SPEG: variants seen among roughly 807,000 people sequenced by gnomAD.
The protein encoded by SPEG is striated muscle preferentially expressed protein kinase.
Under a neutral mutation model 300.4 loss-of-function variants are expected in SPEG, and 114 were observed. The observed-to-expected ratio is 0.38, with a 90% CI of 0.33 to 0.44. The LOEUF (loss-of-function observed/expected upper bound fraction) is 0.44, where lower values mean the gene tolerates loss of function less well. Among genes scored for constraint, SPEG ranks in the 20% least tolerant of loss-of-function variants. SPEG has a pLI of 1.00. For synonymous variants in SPEG, 1,964 were observed against 2,018.9 expected, an observed-to-expected ratio of 0.97 and a Z score of 0.73; for missense variants, 4,201 against 4,586.2, an observed-to-expected ratio of 0.92 and a Z score of 2.43.
In SPEG at chr2:219,443,654, G is replaced by A. The variant is rs545031765; in HGVS notation, c.389-999G>A. 2.2e-4 allele frequency: 68 copies of A among 306,618 alleles called. No homozygotes were observed. Among genetic ancestry groups the A allele is most frequent in the African/African-American group, 1.4e-3 (65 of 46,178 alleles). The allele number at this position is 306,618 out of a possible 1,614,324, so 19.0% of individuals were successfully genotyped here. ...AGATAAGGGGTTGGTTTGCAAAGAG[G>A]GGTCAAAGCACAATGCAAATATTGT... is the stretch of plus-strand genomic sequence containing the variant. On this transcript the variant is annotated intron_variant, in intron 1 of 40. Transcript: ENST00000312358. This position sits in a 1 kb window ranked among gnomAD's most constrained non-coding sequence, Gnocchi z 4.6.
At chr2:219,474,545 C>T (rs894047872) in intron 18 of SPEG, among the ~76,000 whole-genome samples, 1 of 152,182 alleles carries the variant, frequency 6.6e-6, no homozygotes, top group African/African-American at 2.4e-5. Flanking sequence ...CTAAGAGTAA[C>T]TGGCCCAAGT....
chr2:219,464,336 C>CAGGG lies in SPEG; in HGVS notation c.2706-95_2706-92dup, dbSNP rs1691046845. ...AGATCTGGGGACTGGGCAAACTGCACAGGGAAGGAGAGGCCTGCACAGTGC... is the reference window on the plus strand; with the variant it reads ...AGATCTGGGGACTGGGCAAACTGCACAGGGAGGGAAGGAGAGGCCTGCACAGTGC... On this transcript the variant is annotated intron_variant, in intron 8 of 40. Coordinates refer to ENST00000312358, the MANE Select transcript of SPEG (RefSeq NM_005876.5). This position sits in a 1 kb window ranked among gnomAD's most constrained non-coding sequence, Gnocchi z 4.5. The CAGGG allele has an allele frequency of 7.6e-7, 1 of 1,319,036 alleles. No individual in the cohort carries two copies. Among genetic ancestry groups the CAGGG allele is most frequent in the Non-Finnish European group, 1.0e-6 (1 of 966,108 alleles). 81.7% of individuals were successfully genotyped at this position (1,319,036 alleles called of 1,614,324 possible).
rs547159100 is a variant in SPEG, at chr2:219,452,444, C to T, written c.2440+637C>T. On this transcript the variant is annotated intron_variant, in intron 6 of 40. Transcript: ENST00000312358. ...CTTTCTGGTTCAGCTGGATCAGTGT[C>T]GGTGTACATGGCCAGTTCAGCTCAT... Among the ~76,000 whole-genome samples, 4 of 152,264 alleles carry T rather than the reference C, an allele frequency of 2.6e-5. No individual in the cohort carries two copies. In the South Asian group the frequency reaches 8.3e-4, roughly 32 times the overall value.
Position 219,458,638 on chromosome 2 carries a change from C to T in SPEG, c.2441-3244C>T, listed in dbSNP as rs1690385923. 6.6e-6 allele frequency among the ~76,000 whole-genome samples: 1 copy of T among 152,160 alleles called. No homozygotes were observed. The highest frequency in any genetic ancestry group is 1.5e-5 in the Non-Finnish European group (1 of 68,028). On this transcript the variant is annotated intron_variant, in intron 6 of 40. Coordinates refer to ENST00000312358, the MANE Select transcript of SPEG (RefSeq NM_005876.5). This position sits in a 1 kb window ranked among gnomAD's most constrained non-coding sequence, Gnocchi z 4.2. ...AAGCACATGGGCTGTGTAGCCAAAC[C>T]TCCTAGGTTCAAAGCTCTGCTCTGA...
At position 219,484,049 on chromosome 2, in the gene SPEG, G is replaced by T; in HGVS notation, c.6586G>T (p.Ala2196Ser). Residue 2196 changes from alanine to serine, a missense_variant, in exon 30 of 41, where the codon GCC (alanine) becomes TCC (serine). Coordinates refer to ENST00000312358, the MANE Select transcript of SPEG (RefSeq NM_005876.5). ...PSTPKSAEPS[A>S]TTPSDAPQPP... ...TACCCCTAAGTCTGCAGAACCTTCT[G>T]CCACCACACCTAGTGATGCTCCGCA... 1 of 1,613,514 alleles carries T rather than the reference G, an allele frequency of 6.2e-7. No individual in the cohort carries two copies.
intron 6 of SPEG, among the ~76,000 whole-genome samples, chr2:219,454,525 A>G (rs1298347712): frequency 6.6e-6 from 1 of 152,248 alleles, no homozygotes; most frequent in African/African-American, 2.4e-5. Flanking sequence ...GGACAGTGTC[A>G]TAGACTTTCC....
Position 219,443,123 on chromosome 2 carries a change from C to A in SPEG, c.389-1530C>A, listed in dbSNP as rs769530500. On this transcript the variant is annotated intron_variant, in intron 1 of 40. Transcript: ENST00000312358. This position sits in a 1 kb window ranked among gnomAD's most constrained non-coding sequence, Gnocchi z 4.6. Reference sequence around the variant, plus strand: ...TCTCTTTCAGAAAACCGGCCATTCCCGCCGGGCCTTTGGCCGACTCACCCA... The same window carrying A: ...TCTCTTTCAGAAAACCGGCCATTCCAGCCGGGCCTTTGGCCGACTCACCCA... 8.7e-6 allele frequency: 14 copies of A among 1,612,686 alleles called. No individual in the cohort carries two copies. Among genetic ancestry groups the A allele is most frequent in the Non-Finnish European group, 1.2e-5 (14 of 1,179,786 alleles).
Position 219,472,875 on chromosome 2 carries a change from C to T in SPEG, c.3941-15C>T. 1 of 1,560,572 alleles carries T rather than the reference C, an allele frequency of 6.4e-7. No individual in the cohort carries two copies. Among genetic ancestry groups the T allele is most frequent in the Non-Finnish European group, 8.7e-7 (1 of 1,150,170 alleles). On this transcript the variant is annotated splice_polypyrimidine_tract_variant and intron_variant, in intron 15 of 40. Transcript: ENST00000312358. ...CTCCTGCAACAGCAGCCTCTAGTAG[C>T]TCCTCTCCCGCCAGACCCGGACTCC...
Position 219,448,525 on chromosome 2 carries a change from A to C in SPEG, c.1367A>C (p.Glu456Ala). The C allele has an allele frequency of 1.4e-6, 2 of 1,446,112 alleles. No individual in the cohort carries two copies. The highest frequency in any genetic ancestry group is 1.8e-6 in the Non-Finnish European group (2 of 1,109,190). 89.6% of individuals were successfully genotyped at this position (1,446,112 alleles called of 1,614,324 possible). The change falls in exon 4 of 41, where the codon GAA becomes GCA. Residue 456 changes from glutamate to alanine, a missense_variant. Physicochemically the swap from Glu to Ala is moderately radical, Grantham distance 107 (BLOSUM62 -1). Around this residue, in one of 4 missense-constraint regions of SPEG, gnomAD observed 1,258 missense variants for 1,293.9 expected, o/e 0.97. Transcript: ENST00000312358. ...PWGTPGASQE[E>A]LRAPGSVAER... The stretch of plus-strand genomic sequence containing the variant: ...GGCACCCCCGGGGCCTCGCAGGAAG[A>C]ACTGCGGGCGCCAGGCAGCGTGGCC...
Position 219,443,276 on chromosome 2 carries a change from A to G in SPEG, c.389-1377A>G. The G allele has an allele frequency of 1.0e-6, 1 of 962,086 alleles. No individual in the cohort carries two copies. The highest frequency in any genetic ancestry group is 1.3e-5 in the South Asian group (1 of 77,584). 59.6% of individuals were successfully genotyped at this position (962,086 alleles called of 1,614,324 possible). ...ATGTGGAACCCTCCCACTCACCCCCACACTTATCTACCACCCACCCGACCA... is the reference window on the plus strand; with the variant it reads ...ATGTGGAACCCTCCCACTCACCCCCGCACTTATCTACCACCCACCCGACCA... On this transcript the variant is annotated intron_variant, in intron 1 of 40. Coordinates refer to ENST00000312358, the MANE Select transcript of SPEG (RefSeq NM_005876.5). This position sits in a 1 kb window ranked among gnomAD's most constrained non-coding sequence, Gnocchi z 4.6.
chr2:219,483,504 G>T lies in SPEG; in HGVS notation c.6041G>T (p.Ser2014Ile), dbSNP rs1165801629. The T allele has an allele frequency of 1.4e-6, 2 of 1,422,410 alleles. No homozygotes were observed. Among genetic ancestry groups the T allele is most frequent in the Non-Finnish European group, 1.8e-6 (2 of 1,099,316 alleles). The allele number at this position is 1,422,410 out of a possible 1,614,324, so 88.1% of individuals were successfully genotyped here. ...SPRRGELRRG[S>I]SAESALPRAG... ...AGGCGGGGAGAGCTCCGCAGGGGCA[G>T]CTCGGCTGAGAGCGCCCTGCCCCGG... The change falls in exon 30 of 41, where the codon AGC becomes ATC. Residue 2014 changes from serine to isoleucine, a missense_variant. Coordinates refer to ENST00000312358, the MANE Select transcript of SPEG (RefSeq NM_005876.5).
chr2:219,471,860 C>G lies in SPEG; in HGVS notation c.3716-8C>G. 6.2e-7 allele frequency: 1 copy of G among 1,613,924 alleles called. No individual in the cohort carries two copies. The highest frequency in any genetic ancestry group is 8.5e-7 in the Non-Finnish European group (1 of 1,179,954). Reference sequence around the variant, plus strand: ...TCAGGCCCAGTGTCACTGTCCCTCCCCTCCCAGACAGGGATGTCCATCGCT... The same window carrying G: ...TCAGGCCCAGTGTCACTGTCCCTCCGCTCCCAGACAGGGATGTCCATCGCT... On this transcript the variant is annotated splice_polypyrimidine_tract_variant and splice_region_variant and intron_variant, in intron 13 of 40. Transcript: ENST00000312358.
In SPEG at chr2:219,483,224, T is replaced by A; in HGVS notation, c.5761T>A (p.Ser1921Thr). The stretch of plus-strand genomic sequence containing the variant: ...ACCCCCCAGTGGGGGGCTCTCATCC[T>A]CCTCGGATTCTGAAGAGGAAGAGCT... Reference protein sequence around the residue: ...RPPPSGGLSSSSDSEEEELEE... With the variant: ...RPPPSGGLSSTSDSEEEELEE... The change falls in exon 30 of 41, where the codon TCC becomes ACC. Residue 1921 changes from serine (S) to threonine (T), a missense_variant. Coordinates refer to ENST00000312358, the MANE Select transcript of SPEG (RefSeq NM_005876.5). 6.2e-7 allele frequency: 1 copy of A among 1,610,366 alleles called. No individual in the cohort carries two copies. The highest frequency in any genetic ancestry group is 8.5e-7 in the Non-Finnish European group (1 of 1,179,054).
chr2:219,481,221 C>T lies in SPEG; in HGVS notation c.5370-83C>T, dbSNP rs186808516. 250 of 1,438,056 alleles carry T rather than the reference C, an allele frequency of 1.7e-4. No individual in the cohort carries two copies. The highest frequency in any genetic ancestry group is 2.2e-4 in the Non-Finnish European group (227 of 1,040,518). The allele number at this position is 1,438,056 out of a possible 1,614,324, so 89.1% of individuals were successfully genotyped here. On this transcript the variant is annotated intron_variant, in intron 26 of 40. Coordinates refer to ENST00000312358, the MANE Select transcript of SPEG (RefSeq NM_005876.5). The surrounding 1 kb of genome is among the most constrained non-coding windows in gnomAD (Gnocchi z 5.4). Reference sequence around the variant, plus strand: ...GTCATCCTCACAACCCCAGAGCCTCCATCTGTCCCCAGCCCTGTGCCCCCA... The same window carrying T: ...GTCATCCTCACAACCCCAGAGCCTCTATCTGTCCCCAGCCCTGTGCCCCCA...
chr2:219,483,338 G>A lies in SPEG; in HGVS notation c.5875G>A (p.Ala1959Thr). The A allele has an allele frequency of 1.9e-6, 3 of 1,605,784 alleles. No individual in the cohort carries two copies. Among genetic ancestry groups the A allele is most frequent in the Non-Finnish European group, 2.5e-6 (3 of 1,176,686 alleles). Residue 1959 changes from alanine to threonine, a missense_variant, in exon 30 of 41, where the codon GCC becomes ACC. Around this residue, in one of 4 missense-constraint regions of SPEG, gnomAD observed 1,578 missense variants for 1,506.0 expected, o/e 1.05. Coordinates refer to ENST00000312358, the MANE Select transcript of SPEG (RefSeq NM_005876.5). Reference sequence around the variant, plus strand: ...CACAGACATTCCCACTGAGGATGAGGCCCTGGGGACCCCAGAGACTGGGGC... The same window carrying A: ...CACAGACATTCCCACTGAGGATGAGACCCTGGGGACCCCAGAGACTGGGGC... ...SLTDIPTEDE[A>T]LGTPETGAAT...
chr2:219,484,878 G>A lies in SPEG; in HGVS notation c.7415G>A (p.Gly2472Asp), dbSNP rs188275300. ...ERLSSRLQRSGSSEDSGGASG... is the reference protein window; with the variant it reads ...ERLSSRLQRSDSSEDSGGASG... ...CTGTCCAGCCGATTGCAGCGCAGTG[G>A]CAGCAGCGAGGACTCGGGGGGCGCG... The change falls in exon 30 of 41, where the codon GGC (glycine) becomes GAC (aspartate). Residue 2472 changes from glycine to aspartate, a missense_variant. Gly to Asp is a moderately conservative substitution (Grantham distance 94). Coordinates refer to ENST00000312358, the MANE Select transcript of SPEG (RefSeq NM_005876.5). 3.9e-4 allele frequency: 601 copies of A among 1,525,086 alleles called. 2 individuals are homozygous for A. The African/African-American group carries it at 7.2e-3, about 18-fold the overall frequency. The allele number at this position is 1,525,086 out of a possible 1,614,324, so 94.5% of individuals were successfully genotyped here.
intron 6 of SPEG, chr2:219,460,258 A>G: frequency 1.0e-6 from 1 of 965,466 alleles, no homozygotes; most frequent in Non-Finnish European, 1.2e-6. Flanking sequence ...TTCTTCCCCC[A>G]CCTCTGTGAA....
In SPEG at chr2:219,444,621, G is replaced by A; in HGVS notation, c.389-32G>A. 6.3e-7 allele frequency: 1 copy of A among 1,585,602 alleles called. No homozygotes were observed. Among genetic ancestry groups the A allele is most frequent in the Non-Finnish European group, 8.7e-7 (1 of 1,154,570 alleles). On this transcript the variant is annotated intron_variant, in intron 1 of 40. Coordinates refer to ENST00000312358, the MANE Select transcript of SPEG (RefSeq NM_005876.5). The surrounding 1 kb of genome is among the most constrained non-coding windows in gnomAD (Gnocchi z 7.8). ...GAAGAGTTGGAGGCAGAGGGAGGAG[G>A]GCCCTGCCCACACAGACCCCTTCTT...
intron 15 of SPEG, 51 bp downstream of exon 15, chr2:219,472,382 C>A: frequency 6.7e-7 from 1 of 1,485,270 alleles, no homozygotes; most frequent in Non-Finnish European, 9.4e-7. Flanking sequence ...GTGGAGAAGG[C>A]AGGCTCAGGC....
Sources: allele counts gnomAD v4.1 joint callset (sites outside exome capture counted in the v4.1 genomes callset), GRCh38; gene constraint gnomAD v4.1.1; regional missense constraint gnomAD v4.1.1; non-coding constraint Gnocchi (gnomAD v3.1); transcripts MANE v1.5; gene names NCBI Gene and HGNC (gene_info 2026-07-23, HGNC 2026-07-21).